Variants in RASA3 observed in about 807,000 individuals in gnomAD.
The protein encoded by RASA3 is RAS p21 protein activator 3.
RASA3 carries 73 observed loss-of-function variants against 110.0 expected under a neutral mutation model. The ratio of observed to expected loss-of-function variants is 0.66; its 90% CI spans 0.55 to 0.81. The LOEUF (loss-of-function observed/expected upper bound fraction) is 0.81, where lower values mean the gene tolerates loss of function less well. Ranked by LOEUF, RASA3 falls within the 30% of genes least tolerant of loss-of-function variation. The probability of loss-of-function intolerance (pLI) is 0.00; values close to 1 mark genes in which losing one functional copy is unlikely to be tolerated. For synonymous variants in RASA3, 500 were observed against 451.4 expected (o/e 1.11, Z -1.37); for missense variants, 976 against 1,113.2 (o/e 0.88, Z 1.75).
intron 2 of RASA3, among the ~76,000 whole-genome samples, chr13:114,072,365 G>A (rs992829985): frequency 1.3e-5 from 2 of 152,168 alleles, no homozygotes; most frequent in African/African-American, 4.8e-5. Flanking sequence ...CAAGTTGAGG[G>A]GGAAACTTGT....
rs750846901 is a variant in RASA3 at position 114,027,468 on chromosome 13, T to C, written c.531-7A>G. 2.6e-5 allele frequency: 41 copies of C among 1,605,808 alleles called. No individual in the cohort carries two copies. In the East Asian group the frequency reaches 8.2e-4, roughly 32 times the overall value. Reference sequence around the variant, plus strand: ...CGTCTTCTTTGCTTCTGATCTGTTATCAAGTGAGAAAGGATTGGGATTAAA... The same window carrying C: ...CGTCTTCTTTGCTTCTGATCTGTTACCAAGTGAGAAAGGATTGGGATTAAA... On this transcript the variant is annotated splice_polypyrimidine_tract_variant and splice_region_variant and intron_variant, in intron 6 of 23. Coordinates refer to ENST00000334062, the MANE Select transcript of RASA3 (RefSeq NM_007368.4).
Position 114,048,238 on chromosome 13 carries a change from C to T in RASA3, c.277+3814G>A, listed in dbSNP as rs2079084892. Among the ~76,000 whole-genome samples, 2 of 151,856 alleles carry T rather than the reference C, an allele frequency of 1.3e-5. No individual in the cohort carries two copies. The highest frequency in any genetic ancestry group is 2.1e-4 in the South Asian group (1 of 4,810). On this transcript the variant is annotated intron_variant, in intron 3 of 23. Transcript: ENST00000334062. This position sits in a 1 kb window ranked among gnomAD's most constrained non-coding sequence, Gnocchi z 4.3. ...GCTGAGGCAGGAGAATGGCGTGAACCCGGGAGGTGGAGGTTGCAGTGAGCC... is the reference window on the plus strand; with the variant it reads ...GCTGAGGCAGGAGAATGGCGTGAACTCGGGAGGTGGAGGTTGCAGTGAGCC...
chr13:114,128,909 C>A (rs2080483815), intron 1 of RASA3, among the ~76,000 whole-genome samples: 1 of 152,076 alleles, frequency 6.6e-6, no homozygotes, highest in Non-Finnish European at 1.5e-5. Flanking sequence ...CCTTTCCCGC[C>A]CTGGACCGCG....
In RASA3 at chr13:114,052,146, G is replaced by A. The variant is rs369272668; in HGVS notation, c.183C>T (p.Tyr61=). Residue 61 remains tyrosine (Y), a synonymous_variant, in exon 3 of 24, where the codon TAC becomes TAT. Coordinates refer to ENST00000334062, the MANE Select transcript of RASA3 (RefSeq NM_007368.4). The part of the protein sequence containing the change: ...KIVEKSLCPF[Y]GEDFYCEIPR... ...GAATTTCACAGTAAAAGTCTTCTCC[G>A]TAAAACGGGCTAGTGAGACAAAGAA... 2.2e-5 allele frequency: 36 copies of A among 1,610,762 alleles called. No individual in the cohort carries two copies. In the African/African-American group the frequency reaches 3.5e-4, roughly 16 times the overall value.
At chr13:114,070,000 C>T (rs1381134043) in intron 2 of RASA3, among the ~76,000 whole-genome samples, 4 of 36,762 alleles carry the variant, frequency 1.1e-4, no homozygotes, top group Non-Finnish European at 1.4e-4. Flanking sequence ...ACTGGGGGGC[C>T]GGGAGACTCG....
intron 7 of RASA3, among the ~76,000 whole-genome samples, chr13:114,026,090 A>G (rs2054020564): frequency 6.6e-6 from 1 of 152,238 alleles, no homozygotes. Flanking sequence ...TGGTCACTAA[A>G]TTGCTCCTGT....
At position 114,096,150 on chromosome 13, in the gene RASA3, G is replaced by A. The variant is rs373246422; in HGVS notation, c.56-22313C>T. On this transcript the variant is annotated intron_variant, in intron 1 of 23. Transcript: ENST00000334062. The surrounding 1 kb of genome is among the most constrained non-coding windows in gnomAD (Gnocchi z 5.1). ...TCTCTGGGTGGCCTGGGTGGCATCG[G>A]TGTGCCGGAAAAGGGGTGCTCTCCA... Among the ~76,000 whole-genome samples, 11 of 152,252 alleles carry A rather than the reference G, an allele frequency of 7.2e-5. No homozygotes were observed. The highest frequency in any genetic ancestry group is 2.4e-4 in the African/African-American group (10 of 41,534).
chr13:114,082,041 G>A (rs1033299309), intron 1 of RASA3, among the ~76,000 whole-genome samples: 2 of 152,224 alleles, frequency 1.3e-5, no homozygotes, highest in African/African-American at 2.4e-5. Context: ...TGACTAGGAC[G>A]GGCTCCAGGC....
chr13:114,079,854 C>T (rs919226919), intron 1 of RASA3, among the ~76,000 whole-genome samples: 2 of 151,940 alleles, frequency 1.3e-5, no homozygotes, highest in East Asian at 2.0e-4. Flanking sequence ...CGGCACCCTC[C>T]GTGGGACGAG....
intron 1 of RASA3, among the ~76,000 whole-genome samples, chr13:114,126,878 G>A (rs1259057237): frequency 1.3e-5 from 2 of 152,154 alleles, no homozygotes; most frequent in Non-Finnish European, 1.5e-5. Context: ...GTCAAGAAAC[G>A]TGGCCAGCAC....
chr13:114,099,037 CCGAGCCCCCCAGACCACAGCAG>C (rs1378206193), intron 1 of RASA3, among the ~76,000 whole-genome samples: 2 of 10,426 alleles, frequency 1.9e-4, no homozygotes, highest in South Asian at 3.4e-3. Flanking sequence ...GCCCGGCCAC[CCGAGCCCCCCAGACCACAGCAG>C]TCGGGGCCCG....
chr13:114,040,003 G>C (rs969128349), intron 4 of RASA3, among the ~76,000 whole-genome samples: 2 of 152,244 alleles, frequency 1.3e-5, no homozygotes, highest in Admixed American at 6.5e-5. Context: ...CCAACCGTGG[G>C]GAAGTGAGGG....
chr13:114,025,397 G>A (rs2054008454), intron 7 of RASA3, among the ~76,000 whole-genome samples: 1 of 152,092 alleles, frequency 6.6e-6, no homozygotes, highest in Admixed American at 6.5e-5. Flanking sequence ...CTCAGGTCAG[G>A]CAATGCCTCC....
At chr13:113,980,081 A>ACCT (rs1294554994) in intron 23 of RASA3, among the ~76,000 whole-genome samples, 1 of 71,646 alleles carries the variant, frequency 1.4e-5, no homozygotes, top group African/African-American at 5.2e-5. Context: ...ATGTGTGTGC[A>ACCT]CCACCTCCCA....
chr13:114,009,762 C>T (rs1190720930), intron 16 of RASA3, among the ~76,000 whole-genome samples: 2 of 152,336 alleles, frequency 1.3e-5, no homozygotes, highest in South Asian at 4.1e-4. Flanking sequence ...GTCCCAGGCT[C>T]ATGAAGAGGT....
chr13:114,015,969 C>T (rs2053781714), intron 13 of RASA3, among the ~76,000 whole-genome samples: 1 of 152,044 alleles, frequency 6.6e-6, no homozygotes, highest in Non-Finnish European at 1.5e-5. Flanking sequence ...CTGGCCGGGA[C>T]CCCCCAGGGG....
At chr13:114,089,120 C>T (rs1288826205) in intron 1 of RASA3, among the ~76,000 whole-genome samples, 1 of 152,012 alleles carries the variant, frequency 6.6e-6, no homozygotes, top group Non-Finnish European at 1.5e-5. Context: ...AAGCCTTCTG[C>T]TCCTTCGCTC....
At position 114,057,015 on chromosome 13, in the gene RASA3, T is replaced by TC. The variant is rs750531760; in HGVS notation, c.174-4861dup. Among the ~76,000 whole-genome samples, 39 of 151,736 alleles carry TC rather than the reference T, an allele frequency of 2.6e-4. 1 individual carries two copies. Among genetic ancestry groups the TC allele is most frequent in the Non-Finnish European group, 1.0e-4 (7 of 67,930 alleles). On this transcript the variant is annotated intron_variant, in intron 2 of 23. Coordinates refer to ENST00000334062, the MANE Select transcript of RASA3 (RefSeq NM_007368.4). The surrounding 1 kb of genome is among the most constrained non-coding windows in gnomAD (Gnocchi z 5.0). ...AGCTGTTGTCCTTGGGAACCACGGG[T>TC]CCCCCCTCCTGAAGAAGGGGAACGT...
chr13:114,124,271 G>C (rs2080417428), intron 1 of RASA3, among the ~76,000 whole-genome samples: 1 of 152,216 alleles, frequency 6.6e-6, no homozygotes, highest in African/African-American at 2.4e-5. Context: ...AGGGTGGCTA[G>C]AGCTACAGCC....
Sources: allele counts gnomAD v4.1 joint callset (sites outside exome capture counted in the v4.1 genomes callset), GRCh38; gene constraint gnomAD v4.1.1; non-coding constraint Gnocchi (gnomAD v3.1); transcripts MANE v1.5; gene names NCBI Gene and HGNC (gene_info 2026-07-23, HGNC 2026-07-21).